The following RBFOX1 variants were observed in gnomAD, a reference collection of about 807,000 sequenced individuals.
RBFOX1 encodes RNA binding protein fox-1 homolog 1.
In RBFOX1, 8 loss-of-function variants were observed where a neutral mutation model predicts 57.7. The observed-to-expected ratio is 0.14, with a 90% CI of 0.08 to 0.25. RBFOX1 has a LOEUF of 0.25. Ranked by LOEUF, RBFOX1 falls within the 10% of genes least tolerant of loss-of-function variation. The pLI is 1.00. For missense variants in RBFOX1, 611 were observed against 548.5 expected, an observed-to-expected ratio of 1.11 and a Z score of -1.14; for synonymous variants, 326 against 222.4, an observed-to-expected ratio of 1.47 and a Z score of -4.15.
chr16:5,953,412 G>C (rs2152279051), intron 4 of RBFOX1, among the ~76,000 whole-genome samples: 1 of 152,252 alleles, frequency 6.6e-6, no homozygotes, highest in East Asian at 1.9e-4. Context: ...CTTTAGGGGT[G>C]ATTTGTGAGA....
chr16:7,006,412 C>G (rs553578393), intron 3 of RBFOX1, among the ~76,000 whole-genome samples: 410 of 152,250 alleles, frequency 2.7e-3, no homozygotes, highest in African/African-American at 9.5e-3. Context: ...TTTGGCCTCC[C>G]AAAGTGCTGG....
chr16:6,588,840 C>G (rs80349196), intron 2 of RBFOX1, among the ~76,000 whole-genome samples: 1,673 of 152,266 alleles, frequency 0.011, 23 homozygotes, highest in African/African-American at 0.032. Context: ...CATGCTGTCT[C>G]ACTGCCTCCT....
At chr16:5,351,836 T>C (rs2151317141) in intron 1 of RBFOX1, among the ~76,000 whole-genome samples, 1 of 152,280 alleles carries the variant, frequency 6.6e-6, no homozygotes, top group East Asian at 1.9e-4. Context: ...AGAGTTTCAC[T>C]CTTGTTGCCC....
chr16:6,085,807 A>G (rs1402722820), intron 1 of RBFOX1, among the ~76,000 whole-genome samples: 4 of 152,194 alleles, frequency 2.6e-5, no homozygotes. Context: ...TCTCTGTAAA[A>G]TAGAAGTGCT....
chr16:6,686,419 C>G (rs1159493101), intron 3 of RBFOX1, among the ~76,000 whole-genome samples: 1 of 152,216 alleles, frequency 6.6e-6, no homozygotes, highest in Non-Finnish European at 1.5e-5. Context: ...CTAAGAACTG[C>G]TATGCGCAGG....
intron 2 of RBFOX1, among the ~76,000 whole-genome samples, chr16:6,524,192 T>A (rs1412621157): frequency 6.6e-6 from 1 of 152,210 alleles, no homozygotes; most frequent in Non-Finnish European, 1.5e-5. Flanking sequence ...TCTATCTCCG[T>A]GAGTTCTATC....
intron 3 of RBFOX1, among the ~76,000 whole-genome samples, chr16:7,007,563 C>A (rs1034371342): frequency 6.6e-6 from 1 of 152,146 alleles, no homozygotes; most frequent in Non-Finnish European, 1.5e-5. Context: ...AATTTGCCTA[C>A]TGTACATTGT....
At chr16:7,080,458 C>T (rs1435243258) in intron 4 of RBFOX1, among the ~76,000 whole-genome samples, 3 of 152,164 alleles carry the variant, frequency 2.0e-5, no homozygotes, top group Admixed American at 6.5e-5. Context: ...GTACTGAATA[C>T]ATGTAACAGA....
At chr16:7,710,290 C>G (rs1418355746) in intron 15 of RBFOX1, 1 of 1,134,956 alleles carries the variant, frequency 8.8e-7, no homozygotes, top group Non-Finnish European at 1.1e-6. Context: ...CATTCAACAA[C>G]TGGTCCAAAT....
chr16:7,423,993 A>G (rs1344820636), intron 4 of RBFOX1, among the ~76,000 whole-genome samples: 1 of 152,142 alleles, frequency 6.6e-6, no homozygotes, highest in African/African-American at 2.4e-5. Flanking sequence ...TGGAGAACTA[A>G]AGGCATTTGA....
At chr16:5,616,507 G>A (rs550332122) in intron 3 of RBFOX1, among the ~76,000 whole-genome samples, 3 of 151,844 alleles carry the variant, frequency 2.0e-5, no homozygotes, top group African/African-American at 4.8e-5. Flanking sequence ...CCGTGAATAC[G>A]AGCTCTTGGA....
chr16:5,276,731 G>C (rs2063151167), intron 1 of RBFOX1, among the ~76,000 whole-genome samples: 1 of 152,142 alleles, frequency 6.6e-6, no homozygotes, highest in African/African-American at 2.4e-5. Context: ...GCAGTGAGCT[G>C]ATATACTCCA....
Position 6,842,085 on chromosome 16 carries a change from G to A in RBFOX1, c.-16+187435G>A, listed in dbSNP as rs111879156. On this transcript the variant is annotated intron_variant, in intron 3 of 15. Coordinates refer to ENST00000550418, the MANE Select transcript of RBFOX1 (RefSeq NM_018723.4). ...GTGAACCCGGGAGGCGGAACTTGCA[G>A]TGAGCGGAGATCGCGCCACTGCACT... Among the ~76,000 whole-genome samples the A allele has an allele frequency of 7.6e-4, 116 of 152,002 alleles. 1 individual carries two copies. The highest frequency in any genetic ancestry group is 2.7e-3 in the African/African-American group (111 of 41,472).
At chr16:7,509,268 A>T (rs1049192107) in intron 4 of RBFOX1, among the ~76,000 whole-genome samples, 10 of 152,296 alleles carry the variant, frequency 6.6e-5, no homozygotes, top group South Asian at 2.1e-4. Context: ...TGTTTCTTGA[A>T]GTCTGCTGCT....
chr16:5,295,834 G>C (rs754720645), intron 1 of RBFOX1, among the ~76,000 whole-genome samples: 2 of 152,156 alleles, frequency 1.3e-5, no homozygotes, highest in African/African-American at 2.4e-5. Flanking sequence ...TCAGTACCAG[G>C]ATGGGAGGCA....
At chr16:7,701,336 C>G (rs960660152) in intron 14 of RBFOX1, among the ~76,000 whole-genome samples, 2 of 151,958 alleles carry the variant, frequency 1.3e-5, no homozygotes, top group African/African-American at 4.8e-5. Flanking sequence ...TTCCTGTTTG[C>G]AGCCGCCCCC....
At chr16:5,597,577 T>A (rs2047227922) in intron 2 of RBFOX1, among the ~76,000 whole-genome samples, 1 of 151,792 alleles carries the variant, frequency 6.6e-6, no homozygotes, top group Non-Finnish European at 1.5e-5. Flanking sequence ...ATTTTGTACT[T>A]TTAGTAGAGA....
chr16:5,501,768 T>C lies in RBFOX1; in HGVS notation c.258+34514T>C, dbSNP rs542530674. On this transcript the variant is annotated intron_variant, in intron 2 of 2. Transcript: ENST00000585867. ...TTGCTCTGTCACCCAGGCTGGAGTG[T>C]AGTGGTGCGGTCACAGCTCCCTGCA... 2.6e-5 allele frequency among the ~76,000 whole-genome samples: 4 copies of C among 152,220 alleles called. No homozygotes were observed. In the East Asian group the frequency reaches 5.8e-4, roughly 22 times the overall value.
intron 4 of RBFOX1, among the ~76,000 whole-genome samples, chr16:7,135,578 C>G (rs540298854): frequency 6.6e-6 from 1 of 152,328 alleles, no homozygotes; most frequent in African/African-American, 2.4e-5. Context: ...GTGTTTCCAT[C>G]TTTCATTTTT....
Sources: allele counts gnomAD v4.1 joint callset (sites outside exome capture counted in the v4.1 genomes callset), GRCh38; gene constraint gnomAD v4.1.1; transcripts MANE v1.5; gene names NCBI Gene and HGNC (gene_info 2026-07-23, HGNC 2026-07-21).